The following GABBR2 variants were observed in gnomAD, a reference collection of about 807,000 sequenced individuals.
The protein encoded by GABBR2 is G-protein coupled receptor 51.
Under a neutral mutation model 105.6 loss-of-function variants are expected in GABBR2, and 23 were observed. The ratio of observed to expected loss-of-function variants is 0.22; its 90% CI spans 0.16 to 0.31. The LOEUF (loss-of-function observed/expected upper bound fraction) is 0.31, where lower values mean the gene tolerates loss of function less well. GABBR2 is among the 10% of genes least tolerant of loss of function. GABBR2 has a pLI of 1.00. For missense variants in GABBR2, 734 were observed against 1,245.5 expected (o/e 0.59, Z 6.18); for synonymous variants, 478 against 499.7 (o/e 0.96, Z 0.58).
chr9:98,499,107 G>A (rs1827346087), intron 3 of GABBR2, among the ~76,000 whole-genome samples: 1 of 152,118 alleles, frequency 6.6e-6, no homozygotes, highest in South Asian at 2.1e-4. Flanking sequence ...CTGAATATGT[G>A]GAATGGCTTT....
intron 2 of GABBR2, among the ~76,000 whole-genome samples, chr9:98,577,230 C>CG (rs1554718819): frequency 8.9e-4 from 2 of 2,246 alleles, no homozygotes; most frequent in African/African-American, 1.8e-3. Flanking sequence ...ATGGATGGAG[C>CG]AAAAAAGTAA....
intron 2 of GABBR2, among the ~76,000 whole-genome samples, chr9:98,550,427 TACC>T (rs1234563691): frequency 6.6e-6 from 1 of 152,200 alleles, no homozygotes; most frequent in Non-Finnish European, 1.5e-5. Flanking sequence ...TTGTGCATTT[TACC>T]ACAATATAAA....
At chr9:98,376,461 T>G (rs1239087510) in intron 11 of GABBR2, among the ~76,000 whole-genome samples, 1 of 152,016 alleles carries the variant, frequency 6.6e-6, no homozygotes, top group Non-Finnish European at 1.5e-5. Context: ...GTCCAAAAGG[T>G]TCTCTCAAGG....
At chr9:98,473,375 A>G (rs528250156) in intron 5 of GABBR2, 29 bp from the exon 6 acceptor site, 2 of 1,482,980 alleles carry the variant, frequency 1.3e-6, no homozygotes, top group South Asian at 2.3e-5. Context: ...CTATGAGGGC[A>G]TTGAGAGTCG....
At chr9:98,347,681 T>A (rs1298255191) in intron 13 of GABBR2, among the ~76,000 whole-genome samples, 1 of 152,220 alleles carries the variant, frequency 6.6e-6, no homozygotes, top group Non-Finnish European at 1.5e-5. Flanking sequence ...CCCTATATTT[T>A]ATTCTAGTAG....
intron 1 of GABBR2, among the ~76,000 whole-genome samples, chr9:98,584,872 G>A (rs1162039029): frequency 2.0e-5 from 3 of 152,124 alleles, no homozygotes; most frequent in Non-Finnish European, 2.9e-5. Flanking sequence ...ACGTCTGTCC[G>A]TCCAGTGCCA....
chr9:98,340,488 AGGCTCAAG>A (rs1465905207), intron 13 of GABBR2, among the ~76,000 whole-genome samples: 2 of 151,170 alleles, frequency 1.3e-5, no homozygotes, highest in Non-Finnish European at 2.9e-5. Context: ...TTGAACTCCT[AGGCTCAAG>A]TGATCCTCTT....
chr9:98,576,001 A>C (rs1192895843), intron 2 of GABBR2, among the ~76,000 whole-genome samples: 1 of 152,110 alleles, frequency 6.6e-6, no homozygotes, highest in African/African-American at 2.4e-5. Flanking sequence ...CACCTACCAT[A>C]GCACCTGCCC....
intron 13 of GABBR2, among the ~76,000 whole-genome samples, chr9:98,358,848 C>T (rs1360663373): frequency 6.6e-6 from 1 of 152,110 alleles, no homozygotes; most frequent in Admixed American, 6.5e-5. Context: ...GAAGTCAGGA[C>T]CTCCATCCCC....
intron 3 of GABBR2, among the ~76,000 whole-genome samples, chr9:98,541,538 C>A (rs1364379876): frequency 6.6e-6 from 1 of 151,964 alleles, no homozygotes; most frequent in African/African-American, 2.4e-5. Context: ...GAACACACCC[C>A]CTGGTAGAAC....
At chr9:98,632,005 A>T (rs1829821214) in intron 1 of GABBR2, among the ~76,000 whole-genome samples, 2 of 152,352 alleles carry the variant, frequency 1.3e-5, no homozygotes, top group South Asian at 4.1e-4. Flanking sequence ...CTTTCAGCAC[A>T]AATTGCCTTG....
chr9:98,666,433 C>T (rs151283865), intron 1 of GABBR2, among the ~76,000 whole-genome samples: 35 of 152,296 alleles, frequency 2.3e-4, no homozygotes, highest in Middle Eastern at 3.4e-3. Flanking sequence ...GAGACATTGC[C>T]CCCAAAAGAA....
At chr9:98,573,360 A>G (rs149992518) in intron 2 of GABBR2, among the ~76,000 whole-genome samples, 646 of 152,292 alleles carry the variant, frequency 4.2e-3, no homozygotes, top group Middle Eastern at 0.017. Flanking sequence ...ATAGCTCACT[A>G]CAGCCTTGAA....
intron 1 of GABBR2, among the ~76,000 whole-genome samples, chr9:98,678,335 C>G (rs574345144): frequency 6.6e-6 from 1 of 152,348 alleles, no homozygotes; most frequent in Non-Finnish European, 1.5e-5. Flanking sequence ...GCTCTAACCA[C>G]TGGCACCCTA....
chr9:98,702,703 C>T (rs913165287), intron 1 of GABBR2, among the ~76,000 whole-genome samples: 3 of 152,228 alleles, frequency 2.0e-5, no homozygotes, highest in Non-Finnish European at 4.4e-5. Flanking sequence ...TTCCCAGAGC[C>T]TCTGCCTCTC....
At chr9:98,338,180 C>T (rs1831149459) in intron 13 of GABBR2, among the ~76,000 whole-genome samples, 1 of 152,246 alleles carries the variant, frequency 6.6e-6, no homozygotes, top group Admixed American at 6.5e-5. Flanking sequence ...TAGAAGAAGA[C>T]ATAAGTGTAA....
At chr9:98,565,888 G>A (rs1828744554) in intron 2 of GABBR2, among the ~76,000 whole-genome samples, 2 of 152,192 alleles carry the variant, frequency 1.3e-5, no homozygotes, top group Non-Finnish European at 2.9e-5. Flanking sequence ...CTGCACAGGT[G>A]AGCACCACAC....
chr9:98,672,295 G>A (rs1830417062), intron 1 of GABBR2, among the ~76,000 whole-genome samples: 2 of 152,134 alleles, frequency 1.3e-5, no homozygotes, highest in African/African-American at 4.8e-5. Context: ...TCATATAAGT[G>A]AAGTCAGACA....
At chr9:98,600,836 C>T (rs1829319843) in intron 1 of GABBR2, among the ~76,000 whole-genome samples, 1 of 152,212 alleles carries the variant, frequency 6.6e-6, no homozygotes, top group East Asian at 1.9e-4. Context: ...TGTCTGGCCT[C>T]ACTGTGGCAG....
Sources: gnomAD v4.1 joint callset for allele counts (sites outside exome capture counted in the v4.1 genomes callset) on GRCh38, gnomAD v4.1.1 for gene constraint, MANE v1.5 for transcripts, NCBI Gene and HGNC (gene_info 2026-07-23, HGNC 2026-07-21) for gene names.